The following ZNF385B variants were observed in gnomAD, a reference collection of about 807,000 sequenced individuals.
ZNF385B encodes the protein zinc finger protein 533.
A neutral mutation model predicts 39.2 loss-of-function variants in ZNF385B; 23 were observed. The observed-to-expected ratio is 0.59, with a 90% CI of 0.42 to 0.83. The LOEUF (loss-of-function observed/expected upper bound fraction) is 0.83, where lower values mean the gene tolerates loss of function less well. Ranked by LOEUF, ZNF385B falls within the 40% of genes least tolerant of loss-of-function variation. The probability of loss-of-function intolerance (pLI) is 0.00; values close to 1 mark genes in which losing one functional copy is unlikely to be tolerated. For synonymous variants in ZNF385B, 205 were observed against 222.6 expected (o/e 0.92, Z 0.70); for missense variants, 552 against 598.9 (o/e 0.92, Z 0.82).
chr2:179,630,111 C>T (rs1429638410), intron 3 of ZNF385B, among the ~76,000 whole-genome samples: 1 of 152,272 alleles, frequency 6.6e-6, no homozygotes, highest in Non-Finnish European at 1.5e-5. Flanking sequence ...AGGCAGCAGA[C>T]AACTTCTGCA....
At chr2:179,859,065 G>A (rs1684832416) in intron 1 of ZNF385B, among the ~76,000 whole-genome samples, 1 of 151,904 alleles carries the variant, frequency 6.6e-6, no homozygotes, top group African/African-American at 2.4e-5. Flanking sequence ...TTTTTTCTCT[G>A]AATCAGGTCA....
chr2:179,696,134 G>A (rs1698719252), intron 3 of ZNF385B, among the ~76,000 whole-genome samples: 1 of 152,082 alleles, frequency 6.6e-6, no homozygotes, highest in Non-Finnish European at 1.5e-5. Context: ...CAGGGGATAA[G>A]CAGGTGGTAG....
chr2:179,680,074 G>A (rs575373535), intron 3 of ZNF385B, among the ~76,000 whole-genome samples: 2 of 152,100 alleles, frequency 1.3e-5, no homozygotes, highest in Non-Finnish European at 2.9e-5. Context: ...GGATAATGAA[G>A]TTATGTTTAT....
At chr2:179,495,956 A>G (rs1357476881) in intron 5 of ZNF385B, among the ~76,000 whole-genome samples, 2 of 152,224 alleles carry the variant, frequency 1.3e-5, no homozygotes, top group African/African-American at 2.4e-5. Flanking sequence ...ATCTATTAGT[A>G]TCAACACTAT....
chr2:179,585,849 G>A (rs922653927), intron 3 of ZNF385B: 1 of 152,332 alleles, frequency 6.6e-6, no homozygotes, highest in East Asian at 1.9e-4. Context: ...ATAGCCTCCT[G>A]AATGGTTTCC....
At chr2:179,859,023 A>AT (rs5836698) in intron 1 of ZNF385B, among the ~76,000 whole-genome samples, 44,969 of 151,992 alleles carry the variant, frequency 0.3, 7,143 homozygotes, top group Admixed American at 0.44. Context: ...CTGTACAGGC[A>AT]TTTCACCTTT....
intron 4 of ZNF385B, among the ~76,000 whole-genome samples, chr2:179,541,778 C>T (rs1274637657): frequency 6.6e-6 from 1 of 152,102 alleles, no homozygotes; most frequent in African/African-American, 2.4e-5. Context: ...GTTAATGATT[C>T]TGCTGAAAAT....
chr2:179,638,164 C>A (rs1299521790), intron 3 of ZNF385B, among the ~76,000 whole-genome samples: 1 of 152,134 alleles, frequency 6.6e-6, no homozygotes, highest in Non-Finnish European at 1.5e-5. Context: ...CCTATAGTTA[C>A]AATACTATAT....
At chr2:179,818,495 T>A (rs893282631) in intron 1 of ZNF385B, among the ~76,000 whole-genome samples, 6 of 152,234 alleles carry the variant, frequency 3.9e-5, no homozygotes, top group Non-Finnish European at 8.8e-5. Flanking sequence ...CAATTAAACA[T>A]CATTTTATTT....
chr2:179,780,782 T>G (rs1704618518), intron 1 of ZNF385B, among the ~76,000 whole-genome samples: 1 of 152,202 alleles, frequency 6.6e-6, no homozygotes, highest in African/African-American at 2.4e-5. Flanking sequence ...AAACTGACAT[T>G]TAGAAATATT....
At chr2:179,804,921 C>A (rs957771408) in intron 1 of ZNF385B, among the ~76,000 whole-genome samples, 3 of 152,168 alleles carry the variant, frequency 2.0e-5, no homozygotes, top group Admixed American at 1.3e-4. Context: ...CCTTTTGGAG[C>A]AATGCCCTCT....
intron 1 of ZNF385B, chr2:179,814,776 T>A (rs1706959242): frequency 5.6e-6 from 1 of 177,608 alleles, no homozygotes; most frequent in Admixed American, 6.3e-5. Context: ...AGTCCAGGGC[T>A]GGAGGACTTC....
At chr2:179,835,210 G>A (rs55705120) in intron 1 of ZNF385B, among the ~76,000 whole-genome samples, 8,827 of 152,188 alleles carry the variant, frequency 0.058, 469 homozygotes, top group Admixed American at 0.16. Context: ...GCTTTGAAAC[G>A]CTTTAGCAAA....
intron 1 of ZNF385B, among the ~76,000 whole-genome samples, chr2:179,798,067 C>T (rs1166538945): frequency 2.6e-5 from 4 of 152,040 alleles, no homozygotes; most frequent in Admixed American, 2.0e-4. Context: ...CCACAGGTGG[C>T]CACGGAGGGA....
chr2:179,839,948 C>T (rs1003535196), intron 1 of ZNF385B, among the ~76,000 whole-genome samples: 3 of 152,126 alleles, frequency 2.0e-5, no homozygotes, highest in South Asian at 2.1e-4. Context: ...TCCCATCTCC[C>T]GCCAACATTT....
At chr2:179,645,125 A>C (rs1245230164) in intron 3 of ZNF385B, among the ~76,000 whole-genome samples, 1 of 152,244 alleles carries the variant, frequency 6.6e-6, no homozygotes, top group African/African-American at 2.4e-5. Flanking sequence ...TACTACAGGT[A>C]CACTCCAAAT....
At chr2:179,640,696 G>A (rs1384802482) in intron 3 of ZNF385B, among the ~76,000 whole-genome samples, 1 of 152,064 alleles carries the variant, frequency 6.6e-6, no homozygotes, top group African/African-American at 2.4e-5. Flanking sequence ...CTGCTGCTTT[G>A]AAACAGCTTA....
At position 179,769,778 on chromosome 2, in the gene ZNF385B, T is replaced by A. The variant is rs1416674238; in HGVS notation, c.23A>T (p.Asp8Val). The change falls in exon 3 of 10, where the codon GAC becomes GTC. Residue 8 changes from aspartate (D) to valine (V), a missense_variant. Transcript: ENST00000410066. MRYSLSPDNHLEDGIMNM... is the reference protein window; with the variant it reads MRYSLSPVNHLEDGIMNM... The stretch of plus-strand genomic sequence containing the variant: ...CATGATTCCATCTTCAAGATGGTTG[T>A]CAGGGCTTAAGGAGTACCTCATGCC... The A allele has an allele frequency of 5.6e-6, 9 of 1,613,318 alleles. No individual in the cohort carries two copies. The highest frequency in any genetic ancestry group is 7.6e-6 in the Non-Finnish European group (9 of 1,179,662).
chr2:179,643,956 C>G (rs1289121142), intron 3 of ZNF385B, among the ~76,000 whole-genome samples: 1 of 152,074 alleles, frequency 6.6e-6, no homozygotes, highest in Non-Finnish European at 1.5e-5. Context: ...TAAAAACATT[C>G]AAAATCCTGC....
Sources: gnomAD v4.1 joint callset for allele counts (sites outside exome capture counted in the v4.1 genomes callset) on GRCh38, gnomAD v4.1.1 for gene constraint, MANE v1.5 for transcripts, NCBI Gene and HGNC (gene_info 2026-07-23, HGNC 2026-07-21) for gene names.